RYR3: variants seen among roughly 807,000 people sequenced by gnomAD.
The protein encoded by RYR3 is ryanodine receptor 3.
In RYR3, 207 loss-of-function variants were observed where a neutral mutation model predicts 584.3. That is an observed-to-expected ratio of 0.35 (90% CI 0.32 to 0.40). The LOEUF is 0.40. Ranked by LOEUF, RYR3 falls within the 10% of genes least tolerant of loss-of-function variation. The probability of loss-of-function intolerance (pLI) is 1.00; values close to 1 mark genes in which losing one functional copy is unlikely to be tolerated. For synonymous variants in RYR3, 2,416 were observed against 2,248.5 expected (o/e 1.07, Z -2.11); for missense variants, 5,616 against 6,089.2 (o/e 0.92, Z 2.59).
intron 1 of RYR3, among the ~76,000 whole-genome samples, chr15:33,450,541 C>T (rs1441362085): frequency 6.6e-6 from 1 of 151,854 alleles, no homozygotes. Flanking sequence ...GTGACGTTAT[C>T]TATTCCTAGG....
intron 101 of RYR3, 130 bp from the exon 102 acceptor site, chr15:33,860,948 T>TGAATGACTAATAGCCAAAAGCATTAGAAA: frequency 2.7e-6 from 2 of 742,294 alleles, no homozygotes; most frequent in Non-Finnish European, 4.6e-6. Flanking sequence ...CACTACTGAG[T>TGAATGACTAATAGCCAAAAGCATTAGAAA]GAATGACTAA....
chr15:33,811,524 A>T (rs1406487232), intron 72 of RYR3, among the ~76,000 whole-genome samples: 1 of 147,580 alleles, frequency 6.8e-6, no homozygotes, highest in Non-Finnish European at 1.5e-5. Context: ...AAAAAAAAAA[A>T]GTACTGGTAC....
intron 86 of RYR3, among the ~76,000 whole-genome samples, chr15:33,833,787 T>G (rs963240205): frequency 6.6e-6 from 1 of 152,190 alleles, no homozygotes; most frequent in Non-Finnish European, 1.5e-5. Context: ...CAAACTTACG[T>G]GATTTGGGAA....
At chr15:33,726,177 T>G (rs2068438147) in intron 45 of RYR3, among the ~76,000 whole-genome samples, 1 of 152,012 alleles carries the variant, frequency 6.6e-6, no homozygotes, top group Non-Finnish European at 1.5e-5. Context: ...GCAACGTCTT[T>G]AGTCAGTTAT....
intron 1 of RYR3, among the ~76,000 whole-genome samples, chr15:33,452,226 A>G (rs60607655): frequency 0.093 from 14,093 of 152,190 alleles, 1,700 homozygotes; most frequent in African/African-American, 0.28. Context: ...CTGCCCTGGT[A>G]ATCACCCAGA....
intron 1 of RYR3, among the ~76,000 whole-genome samples, chr15:33,363,366 G>C (rs55848036): frequency 1.3e-5 from 2 of 152,136 alleles, no homozygotes; most frequent in Non-Finnish European, 2.9e-5. Context: ...GTATGCCAAA[G>C]GTTGATAATG....
intron 67 of RYR3, among the ~76,000 whole-genome samples, chr15:33,798,911 T>C (rs1180811106): frequency 6.6e-6 from 1 of 152,184 alleles, no homozygotes; most frequent in African/African-American, 2.4e-5. Context: ...AGCCTGGTGC[T>C]CCTCATGAAT....
chr15:33,731,287 T>C (rs1596342325), intron 47 of RYR3, among the ~76,000 whole-genome samples, 187 bp from the exon 48 acceptor site: 1 of 151,834 alleles, frequency 6.6e-6, no homozygotes. Flanking sequence ...TTTAACTTGA[T>C]TTTTTTTCAT....
At chr15:33,678,050 A>G (rs184111544) in intron 38 of RYR3, among the ~76,000 whole-genome samples, 1 of 152,198 alleles carries the variant, frequency 6.6e-6, no homozygotes, top group Non-Finnish European at 1.5e-5. Context: ...AAGGGCCATC[A>G]TCGTTGGGGA....
At chr15:33,596,795 A>G (rs1476416215) in intron 16 of RYR3, among the ~76,000 whole-genome samples, 2 of 152,098 alleles carry the variant, frequency 1.3e-5, no homozygotes, top group East Asian at 1.9e-4. Flanking sequence ...TTGCTATAGA[A>G]CACTAGAACT....
intron 1 of RYR3, among the ~76,000 whole-genome samples, chr15:33,417,318 G>A (rs962545956): frequency 6.6e-6 from 1 of 152,128 alleles, no homozygotes; most frequent in Non-Finnish European, 1.5e-5. Flanking sequence ...TCCTATTCAT[G>A]AGCATGGAAT....
At chr15:33,573,860 G>A (rs1266992895) in intron 12 of RYR3, among the ~76,000 whole-genome samples, 2 of 152,210 alleles carry the variant, frequency 1.3e-5, no homozygotes, top group African/African-American at 4.8e-5. Context: ...CAGAAGTAAT[G>A]TCTGTTTTCA....
At chr15:33,368,338 C>CTTTTTTTTTTTTT (rs35491164) in intron 1 of RYR3, among the ~76,000 whole-genome samples, 3 of 85,824 alleles carry the variant, frequency 3.5e-5, no homozygotes, top group East Asian at 4.2e-4. Context: ...GCCTTCCTGT[C>CTTTTTTTTTTTTT]TTTTTTTTTT....
At chr15:33,856,452 C>T (rs1306229161) in intron 98 of RYR3, 1 of 152,264 alleles carries the variant, frequency 6.6e-6, no homozygotes, top group African/African-American at 2.4e-5. Flanking sequence ...TGAACTCTCA[C>T]TCCTAAAGCC....
At chr15:33,677,912 G>A (rs1400944574) in intron 38 of RYR3, among the ~76,000 whole-genome samples, 1 of 152,194 alleles carries the variant, frequency 6.6e-6, no homozygotes, top group Non-Finnish European at 1.5e-5. Flanking sequence ...GCCAATCACG[G>A]ATAGAGTCAG....
intron 27 of RYR3, among the ~76,000 whole-genome samples, chr15:33,643,556 G>A (rs1399548261): frequency 6.6e-6 from 1 of 152,078 alleles, no homozygotes; most frequent in Non-Finnish European, 1.5e-5. Context: ...GAGTAGGCGA[G>A]GAGGAGAGTG....
chr15:33,371,224 TG>T (rs1346991810), intron 1 of RYR3, among the ~76,000 whole-genome samples: 1 of 152,226 alleles, frequency 6.6e-6, no homozygotes. Flanking sequence ...GTTGCTCAGC[TG>T]GAAACTGGCA....
At position 33,416,437 on chromosome 15, in the gene RYR3, C is replaced by T. The variant is rs565715743; in HGVS notation, c.52-56982C>T. 6.6e-5 allele frequency among the ~76,000 whole-genome samples: 10 copies of T among 152,232 alleles called. No homozygotes were observed. The South Asian group carries it at 1.9e-3, about 28-fold the overall frequency. On this transcript the variant is annotated intron_variant, in intron 1 of 103. Coordinates refer to ENST00000634891, the MANE Select transcript of RYR3 (RefSeq NM_001036.6). The stretch of plus-strand genomic sequence containing the variant: ...GGTATCTCATTGTGGTTTTTATTTG[C>T]ATTTCTCTAATAATTAGTAATGATG...
chr15:33,766,465 C>G (rs895265067), intron 60 of RYR3, among the ~76,000 whole-genome samples: 3 of 152,126 alleles, frequency 2.0e-5, no homozygotes, highest in Non-Finnish European at 4.4e-5. Context: ...GCAGGATGCA[C>G]CAGTGTGTTT....
Sources: allele counts gnomAD v4.1 joint callset (sites outside exome capture counted in the v4.1 genomes callset), GRCh38; gene constraint gnomAD v4.1.1; transcripts MANE v1.5; gene names NCBI Gene and HGNC (gene_info 2026-07-23, HGNC 2026-07-21).